The following HS6ST3 variants were observed in gnomAD, a reference collection of about 807,000 sequenced individuals.
HS6ST3 encodes heparan sulfate 6-O-sulfotransferase 3.
HS6ST3 carries 12 observed loss-of-function variants against 36.7 expected under a neutral mutation model. That is an observed-to-expected ratio of 0.33 (90% CI 0.21 to 0.53). HS6ST3 has a LOEUF of 0.53. Among genes scored for constraint, HS6ST3 ranks in the 20% least tolerant of loss-of-function variants. HS6ST3 has a pLI of 0.95. For missense variants in HS6ST3, 584 were observed against 640.9 expected (o/e 0.91, Z 0.96); for synonymous variants, 240 against 257.5 (o/e 0.93, Z 0.65).
intron 1 of HS6ST3, among the ~76,000 whole-genome samples, chr13:96,149,597 T>C (rs1359535641): frequency 2.0e-5 from 3 of 152,186 alleles, no homozygotes; most frequent in Non-Finnish European, 4.4e-5. Context: ...TGCACCATCA[T>C]CTTATTTTTA....
intron 1 of HS6ST3, among the ~76,000 whole-genome samples, chr13:96,689,518 TTAA>T (rs1874877847): frequency 6.6e-6 from 1 of 151,846 alleles, no homozygotes; most frequent in Non-Finnish European, 1.5e-5. Context: ...TGGCTTATGC[TTAA>T]TAAGAGGGTC....
At chr13:96,206,949 A>T (rs1456523258) in intron 1 of HS6ST3, among the ~76,000 whole-genome samples, 1 of 152,210 alleles carries the variant, frequency 6.6e-6, no homozygotes, top group African/African-American at 2.4e-5. Context: ...AAAAGCAAAA[A>T]TTGACAAATG....
intron 1 of HS6ST3, among the ~76,000 whole-genome samples, chr13:96,386,893 A>G (rs932708521): frequency 2.6e-5 from 4 of 152,128 alleles, no homozygotes; most frequent in East Asian, 3.9e-4. Flanking sequence ...ATTATTAACT[A>G]TAGTCACCAT....
chr13:96,742,282 A>G (rs929756702), intron 1 of HS6ST3, among the ~76,000 whole-genome samples: 1 of 152,140 alleles, frequency 6.6e-6, no homozygotes, highest in African/African-American at 2.4e-5. Flanking sequence ...AGCAGAAAAA[A>G]TAGGAACAAT....
At chr13:96,256,898 A>C (rs553676489) in intron 1 of HS6ST3, among the ~76,000 whole-genome samples, 1 of 151,920 alleles carries the variant, frequency 6.6e-6, no homozygotes, top group African/African-American at 2.4e-5. Context: ...ACGTCGGGAC[A>C]ACAGGAGGAA....
chr13:96,237,162 A>T (rs2054538576), intron 1 of HS6ST3, among the ~76,000 whole-genome samples: 2 of 152,206 alleles, frequency 1.3e-5, no homozygotes, highest in Non-Finnish European at 2.9e-5. Flanking sequence ...CATGGGGATT[A>T]TGGGAGCTAC....
intron 1 of HS6ST3, among the ~76,000 whole-genome samples, chr13:96,720,596 A>G (rs543676139): frequency 1.3e-5 from 2 of 152,298 alleles, no homozygotes; most frequent in African/African-American, 4.8e-5. Context: ...AGCTATAGTT[A>G]TCATCACTGA....
chr13:96,698,636 G>A (rs1875198417), intron 1 of HS6ST3, among the ~76,000 whole-genome samples: 1 of 152,168 alleles, frequency 6.6e-6, no homozygotes, highest in Non-Finnish European at 1.5e-5. Flanking sequence ...AACATTCCAT[G>A]CTCATGGATA....
At chr13:96,524,912 A>G (rs1424333455) in intron 1 of HS6ST3, among the ~76,000 whole-genome samples, 2 of 152,208 alleles carry the variant, frequency 1.3e-5, no homozygotes, top group Non-Finnish European at 2.9e-5. Context: ...TTAGATGGAA[A>G]TGCAGAAATC....
intron 1 of HS6ST3, among the ~76,000 whole-genome samples, chr13:96,117,236 G>A (rs1000670577): frequency 7.2e-5 from 11 of 152,032 alleles, no homozygotes; most frequent in African/African-American, 2.7e-4. Context: ...GAATATTTTG[G>A]TCTGAATATT....
chr13:96,824,676 C>G (rs576092082), intron 1 of HS6ST3, among the ~76,000 whole-genome samples: 2 of 152,312 alleles, frequency 1.3e-5, no homozygotes, highest in Admixed American at 6.5e-5. Flanking sequence ...GACTCCTGCA[C>G]ACAGCAGAGC....
intron 1 of HS6ST3, among the ~76,000 whole-genome samples, chr13:96,230,991 G>C (rs1016141935): frequency 9.4e-5 from 11 of 116,820 alleles, no homozygotes; most frequent in Non-Finnish European, 1.2e-4. Context: ...GCTCCCACCT[G>C]GATCTACATC....
intron 1 of HS6ST3, among the ~76,000 whole-genome samples, chr13:96,291,579 A>G (rs1053813109): frequency 1.3e-5 from 2 of 152,246 alleles, no homozygotes; most frequent in Non-Finnish European, 2.9e-5. Flanking sequence ...AATAAAAAAC[A>G]TGGATGATCC....
chr13:96,627,709 A>G (rs572613410), intron 1 of HS6ST3, among the ~76,000 whole-genome samples: 18 of 152,056 alleles, frequency 1.2e-4, no homozygotes, highest in African/African-American at 4.3e-4. Flanking sequence ...TACTTGTACT[A>G]AATATAGCCA....
intron 1 of HS6ST3, among the ~76,000 whole-genome samples, chr13:96,326,935 A>G (rs1422473551): frequency 0.018 from 2,611 of 145,934 alleles, 32 homozygotes; most frequent in East Asian, 0.053. Context: ...GCCAGTGATG[A>G]TGAGCATTTT....
intron 1 of HS6ST3, among the ~76,000 whole-genome samples, chr13:96,635,959 C>G (rs1038807169): frequency 1.3e-5 from 2 of 152,142 alleles, no homozygotes; most frequent in East Asian, 1.9e-4. Context: ...AATTCTACTC[C>G]TCAAATAATG....
intron 1 of HS6ST3, among the ~76,000 whole-genome samples, chr13:96,744,886 CA>C (rs879403494): frequency 5.5e-4 from 83 of 152,190 alleles, no homozygotes; most frequent in Admixed American, 8.5e-4. Flanking sequence ...CTGTGTTTCA[CA>C]ATTCTCAAGT....
intron 1 of HS6ST3, among the ~76,000 whole-genome samples, chr13:96,317,326 TTATATATATATATATATATATATATA>T (rs537839404): frequency 3.1e-5 from 3 of 96,970 alleles, no homozygotes; most frequent in Non-Finnish European, 4.1e-5. Flanking sequence ...TAGTATTCCA[TTATATATATATATATATATATATATA>T]TATATATATA....
intron 1 of HS6ST3, among the ~76,000 whole-genome samples, chr13:96,555,143 A>G (rs754728998): frequency 1.3e-5 from 2 of 152,086 alleles, no homozygotes; most frequent in Non-Finnish European, 2.9e-5. Context: ...GTAAAGTGGG[A>G]TGCTGTATGC....
Sources: allele counts gnomAD v4.1 joint callset (sites outside exome capture counted in the v4.1 genomes callset), GRCh38; gene constraint gnomAD v4.1.1; transcripts MANE v1.5; gene names NCBI Gene and HGNC (gene_info 2026-07-23, HGNC 2026-07-21).